Variants in ARK2N observed in about 807,000 individuals in gnomAD.
ARK2N encodes protein ARK2N.
At chr18:46,216,644 C>A in the ARK2N span, 1 of 1,465,628 alleles carries the variant, frequency 6.8e-7, no homozygotes, top group Non-Finnish European at 9.2e-7. This position sits in a 1 kb window ranked among gnomAD's most constrained non-coding sequence, Gnocchi z 4.3. Flanking sequence ...TGGCATTTCT[C>A]AGCTATCAGG....
chr18:46,211,879 C>T, the ARK2N span, among the ~76,000 whole-genome samples: 1 of 152,144 alleles, frequency 6.6e-6, no homozygotes, highest in Non-Finnish European at 1.5e-5. Context: ...TCCTATTTGA[C>T]AATTATATCA....
the ARK2N span, among the ~76,000 whole-genome samples, chr18:46,196,041 T>A: frequency 2.6e-5 from 4 of 151,844 alleles, no homozygotes; most frequent in African/African-American, 9.7e-5. Flanking sequence ...AGTGCAGTGG[T>A]GCGATCTCGG....
chr18:46,229,958 G>A, the ARK2N span, among the ~76,000 whole-genome samples: 4 of 151,144 alleles, frequency 2.6e-5, no homozygotes, highest in Non-Finnish European at 4.4e-5. Context: ...ACAGAGTCTC[G>A]CTTTGTCGCC....
the ARK2N span, among the ~76,000 whole-genome samples, chr18:46,201,423 C>T: frequency 2.0e-5 from 3 of 151,828 alleles, no homozygotes; most frequent in Non-Finnish European, 4.4e-5. Flanking sequence ...GTTTTTTTGT[C>T]CATTTTGGAC....
At chr18:46,252,161 C>G in the ARK2N span, among the ~76,000 whole-genome samples, 1 of 150,682 alleles carries the variant, frequency 6.6e-6, no homozygotes, top group Non-Finnish European at 1.5e-5. Context: ...CCATTGCACT[C>G]TAGCCTGGGT....
chr18:46,210,771 A>G, the ARK2N span, among the ~76,000 whole-genome samples: 4 of 152,180 alleles, frequency 2.6e-5, no homozygotes, highest in Non-Finnish European at 5.9e-5. Context: ...TTAGCCAGGC[A>G]TGGTGGCTTG....
At chr18:46,211,404 T>C in the ARK2N span, among the ~76,000 whole-genome samples, 3 of 152,106 alleles carry the variant, frequency 2.0e-5, no homozygotes, top group African/African-American at 7.2e-5. Flanking sequence ...GATGGGGTCT[T>C]GCCATGTTGC....
At chr18:46,178,857 T>A in the ARK2N span, among the ~76,000 whole-genome samples, 1 of 151,066 alleles carries the variant, frequency 6.6e-6, no homozygotes, top group Non-Finnish European at 1.5e-5. Context: ...GTGGCTGCAG[T>A]GAGTGGTGAT....
chr18:46,182,533 C>G, the ARK2N span, among the ~76,000 whole-genome samples: 2 of 152,058 alleles, frequency 1.3e-5, no homozygotes, highest in Non-Finnish European at 2.9e-5. Context: ...AGCTTGAGCC[C>G]AGGAGTTTTA....
the ARK2N span, among the ~76,000 whole-genome samples, chr18:46,203,700 G>A: frequency 2.6e-5 from 4 of 152,042 alleles, no homozygotes; most frequent in Non-Finnish European, 5.9e-5. Context: ...TGATTCTTGT[G>A]CCTCGCCTCC....
chr18:46,219,533 G>A, the ARK2N span, among the ~76,000 whole-genome samples: 6 of 150,776 alleles, frequency 4.0e-5, no homozygotes, highest in Non-Finnish European at 7.4e-5. Context: ...GCAGTGGCGC[G>A]ATCTCTGCTC....
At chr18:46,178,195 T>C in the ARK2N span, among the ~76,000 whole-genome samples, 31 of 152,222 alleles carry the variant, frequency 2.0e-4, no homozygotes, top group Admixed American at 4.6e-4. Context: ...CAGATGGAGA[T>C]AGGGCCAAGT....
At chr18:46,217,371 TC>T in the ARK2N span, 1 of 152,216 alleles carries the variant, frequency 6.6e-6, no homozygotes, top group African/African-American at 2.4e-5. Flanking sequence ...TCTGAATGGT[TC>T]TTAAGTAGTG....
chr18:46,228,971 T>G, the ARK2N span: 1 of 391,954 alleles, frequency 2.6e-6, no homozygotes, highest in Non-Finnish European at 4.5e-6. Flanking sequence ...TACAAAATTT[T>G]GAGGAAAGGA....
At chr18:46,226,657 TG>T in the ARK2N span, among the ~76,000 whole-genome samples, 2 of 152,220 alleles carry the variant, frequency 1.3e-5, no homozygotes, top group African/African-American at 4.8e-5. Flanking sequence ...ATGTGCAGCC[TG>T]GGATTGGTAA....
chr18:46,216,030 A>C, the ARK2N span: 2 of 1,614,118 alleles, frequency 1.2e-6, no homozygotes, highest in East Asian at 2.2e-5. The surrounding 1 kb of genome is among the most constrained non-coding windows in gnomAD (Gnocchi z 4.3). Flanking sequence ...CGGATTCTAC[A>C]GTTATTTCTT....
the ARK2N span, among the ~76,000 whole-genome samples, chr18:46,204,580 A>G: frequency 6.6e-6 from 1 of 152,224 alleles, no homozygotes; most frequent in African/African-American, 2.4e-5. Context: ...TGGAGCAGCA[A>G]TATAAGTTAA....
chr18:46,183,909 C>G, the ARK2N span, among the ~76,000 whole-genome samples: 14 of 151,130 alleles, frequency 9.3e-5, no homozygotes, highest in African/African-American at 3.4e-4. Flanking sequence ...CTGCAACCTC[C>G]GTCTCCCGGG....
chr18:46,234,262 A>G, the ARK2N span, among the ~76,000 whole-genome samples: 6 of 152,206 alleles, frequency 3.9e-5, no homozygotes, highest in Non-Finnish European at 7.4e-5. Context: ...CAGTGGCGCA[A>G]TCTTGGCTTA....
Sources: allele counts gnomAD v4.1 joint callset (sites outside exome capture counted in the v4.1 genomes callset), GRCh38; gene constraint gnomAD v4.1.1; non-coding constraint Gnocchi (gnomAD v3.1); transcripts MANE v1.5; gene names NCBI Gene and HGNC (gene_info 2026-07-23, HGNC 2026-07-21).